PXDNL: variants seen among roughly 807,000 people sequenced by gnomAD.
The protein encoded by PXDNL is probable oxidoreductase PXDNL.
A neutral mutation model predicts 150.8 loss-of-function variants in PXDNL; 145 were observed. That is an observed-to-expected ratio of 0.96 (90% CI 0.84 to 1.10). The LOEUF (loss-of-function observed/expected upper bound fraction) is 1.10, where lower values mean the gene tolerates loss of function less well. Among genes scored for constraint, PXDNL ranks in the 50% least tolerant of loss-of-function variants. PXDNL has a pLI of 0.00. For missense variants in PXDNL, 2,087 were observed against 1,873.9 expected, an observed-to-expected ratio of 1.11 and a Z score of -2.10; for synonymous variants, 757 against 725.7, an observed-to-expected ratio of 1.04 and a Z score of -0.69.
intron 17 of PXDNL, among the ~76,000 whole-genome samples, chr8:51,389,868 T>C (rs1807838620): frequency 6.6e-6 from 1 of 152,184 alleles, no homozygotes; most frequent in Admixed American, 6.5e-5. Flanking sequence ...ATAAAACACA[T>C]CATTCTCTGT....
chr8:51,333,830 T>C (rs1805763103), intron 21 of PXDNL, among the ~76,000 whole-genome samples: 1 of 152,084 alleles, frequency 6.6e-6, no homozygotes, highest in African/African-American at 2.4e-5. Flanking sequence ...CAATTACTAA[T>C]AGACCAAAGA....
At chr8:51,746,662 T>C (rs2036987543) in intron 1 of PXDNL, among the ~76,000 whole-genome samples, 1 of 152,220 alleles carries the variant, frequency 6.6e-6, no homozygotes, top group Non-Finnish European at 1.5e-5. Flanking sequence ...TTTTATTATC[T>C]ACTTTGTAAG....
chr8:51,379,409 T>G (rs1807462827), intron 17 of PXDNL, among the ~76,000 whole-genome samples: 1 of 152,230 alleles, frequency 6.6e-6, no homozygotes, highest in African/African-American at 2.4e-5. Flanking sequence ...TGTTTCATTA[T>G]GATTCTGGAT....
At chr8:51,534,995 C>T (rs1424533974) in intron 4 of PXDNL, among the ~76,000 whole-genome samples, 1 of 119,212 alleles carries the variant, frequency 8.4e-6, no homozygotes, top group Non-Finnish European at 1.6e-5. Context: ...CCCGGCCAGC[C>T]GCCCTATCCA....
intron 1 of PXDNL, among the ~76,000 whole-genome samples, chr8:51,724,792 C>G (rs564201571): frequency 6.6e-6 from 1 of 152,228 alleles, no homozygotes; most frequent in East Asian, 1.9e-4. Flanking sequence ...GTCTAAGGAT[C>G]CCCTGCCCTG....
chr8:51,519,476 C>T (rs35511780), intron 4 of PXDNL, among the ~76,000 whole-genome samples: 4 of 151,596 alleles, frequency 2.6e-5, no homozygotes, highest in South Asian at 2.1e-4. Context: ...GAGGTTGCAG[C>T]GAGCAGACTT....
At chr8:51,664,707 TTGACCATTTATATAG>T (rs1326529540) in intron 1 of PXDNL, among the ~76,000 whole-genome samples, 1 of 152,142 alleles carries the variant, frequency 6.6e-6, no homozygotes, top group African/African-American at 2.4e-5. Flanking sequence ...AGCCTGGTTC[TTGACCATTTATATAG>T]TGACCTGGGA....
intron 1 of PXDNL, among the ~76,000 whole-genome samples, chr8:51,800,238 C>T (rs941258471): frequency 6.6e-6 from 1 of 152,030 alleles, no homozygotes; most frequent in Admixed American, 6.6e-5. Flanking sequence ...TTCCTGCATG[C>T]AACATATTTT....
At chr8:51,599,144 C>T (rs994263289) in intron 2 of PXDNL, among the ~76,000 whole-genome samples, 1 of 152,022 alleles carries the variant, frequency 6.6e-6, no homozygotes, top group Non-Finnish European at 1.5e-5. Context: ...GTTAATCTAG[C>T]TAGTGGTCTA....
intron 21 of PXDNL, among the ~76,000 whole-genome samples, chr8:51,331,168 T>C (rs1417651715): frequency 6.6e-6 from 1 of 152,074 alleles, no homozygotes; most frequent in Non-Finnish European, 1.5e-5. Flanking sequence ...ACTGCAGAAG[T>C]GGGAAAAGGA....
At chr8:51,729,389 A>G (rs887100577) in intron 1 of PXDNL, among the ~76,000 whole-genome samples, 3 of 152,252 alleles carry the variant, frequency 2.0e-5, no homozygotes, top group Non-Finnish European at 2.9e-5. Context: ...AGAAATAAGC[A>G]TATGAAAATA....
chr8:51,430,177 C>T lies in PXDNL; in HGVS notation c.1526-3419G>A, dbSNP rs1003836066. Among the ~76,000 whole-genome samples, 4 of 152,224 alleles carry T rather than the reference C, an allele frequency of 2.6e-5. No individual in the cohort carries two copies. The East Asian group carries it at 7.7e-4, about 29-fold the overall frequency. On this transcript the variant is annotated intron_variant, in intron 12 of 22. Coordinates refer to ENST00000356297, the MANE Select transcript of PXDNL (RefSeq NM_144651.5). ...TATAATATTTTGGAAATATCTAACA[C>T]CACACTCTAAAGCAAAGCTCTTCTC...
chr8:51,638,714 A>G (rs1216318186), intron 2 of PXDNL, among the ~76,000 whole-genome samples: 1 of 152,176 alleles, frequency 6.6e-6, no homozygotes, highest in Non-Finnish European at 1.5e-5. Flanking sequence ...GTACTTAGAG[A>G]CCTACAAAGA....
intron 1 of PXDNL, among the ~76,000 whole-genome samples, chr8:51,672,420 A>G: frequency 6.6e-6 from 1 of 152,246 alleles, no homozygotes; most frequent in Non-Finnish European, 1.5e-5. Context: ...TGAATGGATT[A>G]ATTTCACATT....
intron 4 of PXDNL, among the ~76,000 whole-genome samples, chr8:51,549,866 A>T (rs957146385): frequency 2.0e-5 from 3 of 152,116 alleles, no homozygotes; most frequent in Admixed American, 1.3e-4. Flanking sequence ...AACAAACAAT[A>T]CAATACAAAA....
chr8:51,638,555 T>C (rs1036368526), intron 2 of PXDNL, among the ~76,000 whole-genome samples: 6 of 152,068 alleles, frequency 3.9e-5, no homozygotes, highest in African/African-American at 1.2e-4. Context: ...GCAATCCTAG[T>C]CTCTGATAAA....
At chr8:51,358,313 T>C (rs1377197370) in intron 19 of PXDNL, among the ~76,000 whole-genome samples, 1 of 152,218 alleles carries the variant, frequency 6.6e-6, no homozygotes, top group African/African-American at 2.4e-5. Flanking sequence ...GTACCAGTTT[T>C]GCTTTTTACT....
At chr8:51,544,113 GA>G (rs2130493803) in intron 4 of PXDNL, among the ~76,000 whole-genome samples, 1 of 152,302 alleles carries the variant, frequency 6.6e-6, no homozygotes, top group African/African-American at 2.4e-5. Context: ...TGTAAAAGGA[GA>G]AAATAATACC....
chr8:51,789,021 TTTTC>T (rs1182562021), intron 1 of PXDNL, among the ~76,000 whole-genome samples: 1 of 152,090 alleles, frequency 6.6e-6, no homozygotes, highest in Non-Finnish European at 1.5e-5. Context: ...TCCTTTTTCT[TTTTC>T]TTTTTTTTAA....
Sources: allele counts gnomAD v4.1 joint callset (sites outside exome capture counted in the v4.1 genomes callset), GRCh38; gene constraint gnomAD v4.1.1; transcripts MANE v1.5; gene names NCBI Gene and HGNC (gene_info 2026-07-23, HGNC 2026-07-21).